The following TNRC6B variants were observed in gnomAD, a reference collection of about 807,000 sequenced individuals.
The protein encoded by TNRC6B is trinucleotide repeat containing adaptor 6B.
TNRC6B carries 52 observed loss-of-function variants against 203.6 expected under a neutral mutation model. That is an observed-to-expected ratio of 0.26 (90% CI 0.20 to 0.32). The LOEUF is 0.32. TNRC6B is among the 10% of genes least tolerant of loss of function. The pLI, the probability that TNRC6B is intolerant of heterozygous loss-of-function variation, is 1.00. For missense variants in TNRC6B, 1,923 were observed against 2,286.2 expected (o/e 0.84, Z 3.24); for synonymous variants, 838 against 845.7 (o/e 0.99, Z 0.16).
At chr22:40,089,124 A>G (rs776533925) in intron 1 of TNRC6B, among the ~76,000 whole-genome samples, 4 of 152,234 alleles carry the variant, frequency 2.6e-5, no homozygotes, top group Non-Finnish European at 4.4e-5. Context: ...GTGGTACTTT[A>G]TAATTTCCAC....
chr22:40,133,409 G>A (rs1362377104), intron 3 of TNRC6B, among the ~76,000 whole-genome samples: 4 of 152,142 alleles, frequency 2.6e-5, no homozygotes, highest in Non-Finnish European at 2.9e-5. Flanking sequence ...GGCATGCAAA[G>A]TGATTTATGT....
intron 1 of TNRC6B, among the ~76,000 whole-genome samples, chr22:40,069,920 G>A (rs1382386400): frequency 6.6e-6 from 1 of 152,160 alleles, no homozygotes; most frequent in Non-Finnish European, 1.5e-5. Flanking sequence ...TGTTAGTTGT[G>A]TTGTAGGAGG....
chr22:40,322,831 T>G, intron 22 of TNRC6B, 23 bp from the exon 23 acceptor site: 1 of 1,613,190 alleles, frequency 6.2e-7, no homozygotes, highest in Non-Finnish European at 8.5e-7. Flanking sequence ...GATCCATAGC[T>G]CTCTTTCCCT....
At chr22:40,270,062 C>T (rs1601474902) in intron 5 of TNRC6B, 60 bp from the exon 6 acceptor site, 5 of 1,523,778 alleles carry the variant, frequency 3.3e-6, no homozygotes, top group Non-Finnish European at 4.4e-6. Context: ...CTTCACCCCA[C>T]TGGATATTAT....
At chr22:40,311,869 T>TTCATATATAATACACATTGCTCTTTC (rs2071189075) in intron 17 of TNRC6B, among the ~76,000 whole-genome samples, 3 of 152,212 alleles carry the variant, frequency 2.0e-5, no homozygotes, top group Admixed American at 6.5e-5. Flanking sequence ...ATGCAGATCG[T>TTCATATATAATACACATTGCTCTTTC]TCATATATAA....
intron 1 of TNRC6B, among the ~76,000 whole-genome samples, chr22:40,215,245 T>C (rs927141623): frequency 6.6e-6 from 1 of 151,880 alleles, no homozygotes; most frequent in Non-Finnish European, 1.5e-5. Context: ...TCAGCCATGT[T>C]GGAAAAGCAC....
At chr22:40,169,714 G>C (rs1333413448) in intron 4 of TNRC6B, among the ~76,000 whole-genome samples, 1 of 152,040 alleles carries the variant, frequency 6.6e-6, no homozygotes, top group Non-Finnish European at 1.5e-5. Context: ...ATACAAATCT[G>C]ATTGTATCTC....
intron 4 of TNRC6B, among the ~76,000 whole-genome samples, chr22:40,262,989 G>A (rs978397573): frequency 1.3e-5 from 2 of 150,936 alleles, no homozygotes; most frequent in African/African-American, 4.9e-5. Flanking sequence ...GCAGTGAGCC[G>A]AGGTCGCGCC....
intron 1 of TNRC6B, among the ~76,000 whole-genome samples, chr22:40,066,422 T>C (rs1482766959): frequency 6.6e-6 from 1 of 152,142 alleles, no homozygotes; most frequent in Non-Finnish European, 1.5e-5. Context: ...GTATGAGATA[T>C]TCTTTGGAAT....
At chr22:40,101,823 T>C (rs1349185082) in intron 1 of TNRC6B, among the ~76,000 whole-genome samples, 2 of 152,228 alleles carry the variant, frequency 1.3e-5, no homozygotes, top group African/African-American at 4.8e-5. Context: ...TAAAATGAGA[T>C]TTATTTGAAT....
At chr22:40,094,115 T>A (rs570483518) in intron 1 of TNRC6B, among the ~76,000 whole-genome samples, 50 of 152,182 alleles carry the variant, frequency 3.3e-4, no homozygotes, top group African/African-American at 8.9e-4. Flanking sequence ...ATAAAAAAAA[T>A]TTTAAAAACA....
In TNRC6B at chr22:40,322,952, C is replaced by G; in HGVS notation, c.5213C>G (p.Thr1738Ser). The G allele has an allele frequency of 1.2e-6, 2 of 1,613,526 alleles. No homozygotes were observed. Among genetic ancestry groups the G allele is most frequent in the Non-Finnish European group, 1.7e-6 (2 of 1,179,664 alleles). The change falls in exon 23 of 23, where the codon ACC becomes AGC. Residue 1738 changes from threonine (T) to serine (S), a missense_variant. This residue lies in a region of TNRC6B where 126 missense variants were observed against 137.5 expected (regional missense o/e 0.92). Coordinates refer to ENST00000454349, the MANE Select transcript of TNRC6B (RefSeq NM_001162501.2). ...AQAQPPTPAA[T>S]PSAPAAGWQS... Reference sequence around the variant, plus strand: ...GCTCAGCCCCCTACACCTGCAGCAACCCCAAGTGCGCCAGCTGCGGGGTGG... The same window carrying G: ...GCTCAGCCCCCTACACCTGCAGCAAGCCCAAGTGCGCCAGCTGCGGGGTGG...
At chr22:40,297,309 T>C (rs970066530) in intron 12 of TNRC6B, among the ~76,000 whole-genome samples, 4 of 152,306 alleles carry the variant, frequency 2.6e-5, no homozygotes, top group Middle Eastern at 3.4e-3. Flanking sequence ...ATGACTAGAT[T>C]ATCCTCAGCT....
Position 40,273,538 on chromosome 22 carries a change from C to T in TNRC6B, c.3079C>T (p.Gln1027Ter). The T allele has an allele frequency of 6.3e-7, 1 of 1,594,124 alleles. No homozygotes were observed. Among genetic ancestry groups the T allele is most frequent in the Non-Finnish European group, 8.5e-7 (1 of 1,170,018 alleles). ...DGGVWNTTGS[Q>*]GSASSHNSAS... ...AGGAGTCTGGAACACCACTGGCTCT[C>T]AGGGCAGTGCTTCCTCCCACAACTC... Residue 1027 changes from glutamine (Q) to a stop codon, truncating the protein, a stop_gained, in exon 7 of 23, where the codon CAG becomes TAG. Coordinates refer to ENST00000454349, the MANE Select transcript of TNRC6B (RefSeq NM_001162501.2). LOFTEE classifies it high-confidence loss of function.
At chr22:40,112,507 T>A (rs73428250) in intron 1 of TNRC6B, among the ~76,000 whole-genome samples, 8,670 of 152,188 alleles carry the variant, frequency 0.057, 787 homozygotes, top group African/African-American at 0.19. Context: ...CGACACAGCC[T>A]GGATACCAGG....
chr22:40,075,912 A>G (rs557219180), intron 1 of TNRC6B, among the ~76,000 whole-genome samples: 1 of 152,278 alleles, frequency 6.6e-6, no homozygotes, highest in African/African-American at 2.4e-5. Context: ...TCTTTGGACT[A>G]TTGTCATACA....
In TNRC6B at chr22:40,145,636, G is replaced by A. The variant is rs539359348; in HGVS notation, c.46-10479G>A. Among the ~76,000 whole-genome samples, 7 of 152,286 alleles carry A rather than the reference G, an allele frequency of 4.6e-5. No homozygotes were observed. The East Asian group carries it at 1.4e-3, about 29-fold the overall frequency. On this transcript the variant is annotated intron_variant, in intron 3 of 23. Coordinates refer to the TNRC6B transcript ENST00000301923. ...AGGCAGGCGGATCACAAGGTCAAGA[G>A]ATTGAGACCATCCTGGCCAACACGG...
chr22:40,064,604 T>C (rs2067879827), intron 1 of TNRC6B, among the ~76,000 whole-genome samples: 1 of 151,816 alleles, frequency 6.6e-6, no homozygotes, highest in Non-Finnish European at 1.5e-5. Flanking sequence ...ATGGTGATGG[T>C]GTATAATCCT....
chr22:40,178,102 C>T lies in TNRC6B; in HGVS notation c.-34C>T. ...TCATTTCCATTTCTACCTTGTATGC[C>T]TCAATTTGCTGGATTTAAGCACTGC... On this transcript the variant is annotated 5_prime_UTR_variant, in exon 1 of 23. Coordinates refer to ENST00000454349, the MANE Select transcript of TNRC6B (RefSeq NM_001162501.2). 1 of 1,610,304 alleles carries T rather than the reference C, an allele frequency of 6.2e-7. No individual in the cohort carries two copies. Among genetic ancestry groups the T allele is most frequent in the Non-Finnish European group, 8.5e-7 (1 of 1,178,676 alleles).
Sources: allele counts gnomAD v4.1 joint callset (sites outside exome capture counted in the v4.1 genomes callset), GRCh38; gene constraint gnomAD v4.1.1; regional missense constraint gnomAD v4.1.1; transcripts MANE v1.5; gene names NCBI Gene and HGNC (gene_info 2026-07-23, HGNC 2026-07-21).